The following NELL1 variants were observed in gnomAD, a reference collection of about 807,000 sequenced individuals.
NELL1 encodes the protein neural EGFL like 1, also known as protein kinase C-binding protein NELL1.
NELL1 carries 76 observed loss-of-function variants against 107.4 expected under a neutral mutation model. The observed-to-expected ratio is 0.71, with a 90% CI of 0.59 to 0.86. NELL1 has a LOEUF of 0.86. Among genes scored for constraint, NELL1 ranks in the 40% least tolerant of loss-of-function variants. The pLI, the probability that NELL1 is intolerant of heterozygous loss-of-function variation, is 0.00. For missense variants in NELL1, 1,024 were observed against 1,005.5 expected, an observed-to-expected ratio of 1.02 and a Z score of -0.25; for synonymous variants, 353 against 341.2, an observed-to-expected ratio of 1.03 and a Z score of -0.38.
At chr11:21,007,195 A>G (rs1852345720) in intron 12 of NELL1, among the ~76,000 whole-genome samples, 1 of 152,090 alleles carries the variant, frequency 6.6e-6, no homozygotes, top group Admixed American at 6.6e-5. Flanking sequence ...TCTTTCCCTT[A>G]TCCTCTTATT....
chr11:20,721,439 C>T (rs989493264), intron 2 of NELL1, among the ~76,000 whole-genome samples: 1 of 151,780 alleles, frequency 6.6e-6, no homozygotes, highest in African/African-American at 2.4e-5. Context: ...CATTTTTCAC[C>T]CCCTGGGATT....
chr11:21,130,338 T>G (rs75354454), intron 13 of NELL1, among the ~76,000 whole-genome samples: 1,584 of 152,216 alleles, frequency 0.01, 24 homozygotes, highest in African/African-American at 0.036. Context: ...ACGATAGAAG[T>G]CTGGCTATGG....
chr11:21,402,360 A>G (rs1253885648), intron 15 of NELL1, among the ~76,000 whole-genome samples: 6 of 151,848 alleles, frequency 4.0e-5, no homozygotes, highest in African/African-American at 1.5e-4. Flanking sequence ...ATTTAAAGCA[A>G]GAGACCCACC....
intron 2 of NELL1, among the ~76,000 whole-genome samples, chr11:20,706,916 T>A (rs1207205122): frequency 6.6e-6 from 1 of 152,242 alleles, no homozygotes; most frequent in Non-Finnish European, 1.5e-5. Flanking sequence ...TGAATTTGAA[T>A]GTTGGCCTGC....
chr11:21,269,539 A>G (rs971975434), intron 14 of NELL1, among the ~76,000 whole-genome samples: 1 of 152,154 alleles, frequency 6.6e-6, no homozygotes, highest in Non-Finnish European at 1.5e-5. Context: ...AAGGTATGAA[A>G]TATGTAAGTG....
At chr11:21,375,323 T>C (rs1851449835) in intron 15 of NELL1, among the ~76,000 whole-genome samples, 2 of 152,116 alleles carry the variant, frequency 1.3e-5, no homozygotes, top group South Asian at 4.1e-4. Flanking sequence ...TCTGTTCCTG[T>C]GTTAATTGAC....
At chr11:20,745,104 TTA>T (rs1855974627) in intron 2 of NELL1, among the ~76,000 whole-genome samples, 1 of 152,212 alleles carries the variant, frequency 6.6e-6, no homozygotes, top group Non-Finnish European at 1.5e-5. Context: ...GTTCATGTGT[TTA>T]TTGTCTGTAG....
chr11:21,276,559 T>C (rs1041520815), intron 14 of NELL1, among the ~76,000 whole-genome samples: 9 of 152,202 alleles, frequency 5.9e-5, no homozygotes, highest in African/African-American at 1.9e-4. Flanking sequence ...TTAAAGTTCA[T>C]ATGGAACCAA....
At chr11:21,488,575 G>A (rs1020824610) in intron 15 of NELL1, among the ~76,000 whole-genome samples, 2 of 152,136 alleles carry the variant, frequency 1.3e-5, no homozygotes, top group African/African-American at 4.8e-5. Flanking sequence ...TCGGGTCCCT[G>A]TGGTGGCAGC....
chr11:20,807,806 G>A lies in NELL1; in HGVS notation c.335+23976G>A, dbSNP rs574487458. Among the ~76,000 whole-genome samples, 5 of 152,258 alleles carry A rather than the reference G, an allele frequency of 3.3e-5. No individual in the cohort carries two copies. In the South Asian group the frequency reaches 1.0e-3, roughly 32 times the overall value. Reference sequence around the variant, plus strand: ...TTTCCTTCCCCTTTTCCCAGGTGGAGGAATCTTTTCCTCTGTCCACCACCA... The same window carrying A: ...TTTCCTTCCCCTTTTCCCAGGTGGAAGAATCTTTTCCTCTGTCCACCACCA... On this transcript the variant is annotated intron_variant, in intron 3 of 19. Coordinates refer to ENST00000357134, the MANE Select transcript of NELL1 (RefSeq NM_006157.5).
At chr11:21,544,694 T>A (rs915081292) in intron 16 of NELL1, among the ~76,000 whole-genome samples, 6 of 152,100 alleles carry the variant, frequency 3.9e-5, no homozygotes, top group African/African-American at 1.2e-4. Flanking sequence ...GCCTGTACTT[T>A]ATATTATGAA....
At chr11:20,916,739 TTTATTA>T (rs958401326) in intron 5 of NELL1, among the ~76,000 whole-genome samples, 20 of 151,806 alleles carry the variant, frequency 1.3e-4, no homozygotes, top group African/African-American at 4.8e-4. Flanking sequence ...TTTACATTCT[TTTATTA>T]TTATTATTAT....
intron 12 of NELL1, among the ~76,000 whole-genome samples, chr11:21,059,980 T>C (rs1213645675): frequency 1.3e-5 from 2 of 152,204 alleles, no homozygotes; most frequent in Non-Finnish European, 2.9e-5. Context: ...AAAGCTCTTA[T>C]TTTCTCAAGA....
At chr11:21,400,114 C>A (rs1312941014) in intron 15 of NELL1, among the ~76,000 whole-genome samples, 1 of 151,774 alleles carries the variant, frequency 6.6e-6, no homozygotes, top group Non-Finnish European at 1.5e-5. Flanking sequence ...TTTCACTCTT[C>A]AAGAAAGTCA....
At chr11:21,378,485 G>T (rs1292635634) in intron 15 of NELL1, among the ~76,000 whole-genome samples, 2 of 151,774 alleles carry the variant, frequency 1.3e-5, no homozygotes, top group Non-Finnish European at 1.5e-5. Flanking sequence ...CCTTCTTACA[G>T]TCTTAGGAAC....
intron 14 of NELL1, among the ~76,000 whole-genome samples, chr11:21,304,891 G>C (rs564157204): frequency 1.3e-5 from 2 of 152,118 alleles, no homozygotes; most frequent in East Asian, 3.9e-4. Context: ...GGGAGGAGAA[G>C]ATAGGAAGTA....
intron 2 of NELL1, among the ~76,000 whole-genome samples, chr11:20,698,208 G>A (rs896255165): frequency 6.6e-6 from 1 of 152,200 alleles, no homozygotes; most frequent in South Asian, 2.1e-4. Flanking sequence ...CTAGCCGTGA[G>A]AGTGGAGTGG....
chr11:21,197,480 T>C (rs1418317757), intron 13 of NELL1, among the ~76,000 whole-genome samples: 1 of 151,612 alleles, frequency 6.6e-6, no homozygotes, highest in Non-Finnish European at 1.5e-5. Context: ...CTGTTGTTAA[T>C]AGGCTGTTAG....
At chr11:21,163,621 G>A (rs1856419511) in intron 13 of NELL1, among the ~76,000 whole-genome samples, 2 of 152,108 alleles carry the variant, frequency 1.3e-5, no homozygotes, top group African/African-American at 2.4e-5. Flanking sequence ...TGTATACTGG[G>A]TGACTTAACA....
Sources: allele counts gnomAD v4.1 joint callset (sites outside exome capture counted in the v4.1 genomes callset), GRCh38; gene constraint gnomAD v4.1.1; transcripts MANE v1.5; gene names NCBI Gene and HGNC (gene_info 2026-07-23, HGNC 2026-07-21).